TBL1XR1: variants seen among roughly 807,000 people sequenced by gnomAD.
TBL1XR1 encodes TBL1X/Y related 1, also known as F-box-like/WD repeat-containing protein TBL1XR1.
A neutral mutation model predicts 66.9 loss-of-function variants in TBL1XR1; 5 were observed. The ratio of observed to expected loss-of-function variants is 0.07; its 90% CI spans 0.04 to 0.16. TBL1XR1 has a LOEUF of 0.16. TBL1XR1 is among the 10% of genes least tolerant of loss of function. The pLI is 1.00. For synonymous variants in TBL1XR1, 210 were observed against 206.0 expected (o/e 1.02, Z -0.17); for missense variants, 238 against 623.2 (o/e 0.38, Z 6.58).
At chr3:177,095,985 C>CT in intron 2 of TBL1XR1, among the ~76,000 whole-genome samples, 1 of 152,110 alleles carries the variant, frequency 6.6e-6, no homozygotes, top group African/African-American at 2.4e-5. Flanking sequence ...CACATGTACC[C>CT]TAAAATAAGT....
At chr3:177,175,630 C>A (rs1422607480) in intron 1 of TBL1XR1, among the ~76,000 whole-genome samples, 2 of 152,090 alleles carry the variant, frequency 1.3e-5, no homozygotes, top group African/African-American at 2.4e-5. Context: ...CCAGAAAAAA[C>A]CTCTCAGAGA....
chr3:177,125,468 T>C (rs949336591), intron 1 of TBL1XR1, among the ~76,000 whole-genome samples: 4 of 152,190 alleles, frequency 2.6e-5, no homozygotes, highest in African/African-American at 9.6e-5. Context: ...GCTGCAGTCC[T>C]TTGGAAAACA....
chr3:177,184,800 CAA>C (rs35413456), intron 1 of TBL1XR1, among the ~76,000 whole-genome samples: 123 of 135,928 alleles, frequency 9.0e-4, no homozygotes, highest in Non-Finnish European at 1.1e-3. Flanking sequence ...GACTGTGGCT[CAA>C]AAAAAAAAAA....
At chr3:177,173,384 A>G (rs1393088169) in intron 1 of TBL1XR1, among the ~76,000 whole-genome samples, 5 of 152,192 alleles carry the variant, frequency 3.3e-5, no homozygotes, top group African/African-American at 1.2e-4. Flanking sequence ...AGAGCGAAGG[A>G]ACTTGGCACA....
chr3:177,100,672 G>T (rs986289380), intron 1 of TBL1XR1, among the ~76,000 whole-genome samples: 1 of 152,108 alleles, frequency 6.6e-6, no homozygotes. Flanking sequence ...TGATCCACAC[G>T]TCTCCAACTC....
At chr3:177,108,129 A>G (rs1725108288) in intron 1 of TBL1XR1, among the ~76,000 whole-genome samples, 1 of 152,182 alleles carries the variant, frequency 6.6e-6, no homozygotes, top group African/African-American at 2.4e-5. Flanking sequence ...AGGATAAAGC[A>G]AAGAAGCTTT....
intron 3 of TBL1XR1, among the ~76,000 whole-genome samples, chr3:177,060,162 T>C (rs554121771): frequency 2.1e-4 from 32 of 152,198 alleles, no homozygotes; most frequent in Non-Finnish European, 3.4e-4. Flanking sequence ...TACTTTGTGA[T>C]TGTGTGAGTC....
At chr3:177,030,147 GAGAC>G (rs1352673223) in intron 14 of TBL1XR1, among the ~76,000 whole-genome samples, 2 of 150,838 alleles carry the variant, frequency 1.3e-5, no homozygotes, top group East Asian at 1.9e-4. Flanking sequence ...GAGAGAGAGA[GAGAC>G]AGACACACAC....
At position 177,158,267 on chromosome 3, in the gene TBL1XR1, G is replaced by A. The variant is rs534997959; in HGVS notation, c.-122+38854C>T. Among the ~76,000 whole-genome samples, 30 of 144,632 alleles carry A rather than the reference G, an allele frequency of 2.1e-4. No homozygotes were observed. In the South Asian group the frequency reaches 4.8e-3, roughly 23 times the overall value. 94.9% of individuals were successfully genotyped at this position (144,632 alleles called of 152,430 possible). The stretch of plus-strand genomic sequence containing the variant: ...TTTTTTAAGACAGTCTTGCTCAGTC[G>A]CCCAGGCTGGAGTGCAGTGGCACAA... On this transcript the variant is annotated intron_variant, in intron 1 of 15. Transcript: ENST00000457928.
At position 177,119,932 on chromosome 3, in the gene TBL1XR1, T is replaced by C. The variant is rs757024735; in HGVS notation, c.-121-21391A>G. 3.2e-4 allele frequency among the ~76,000 whole-genome samples: 48 copies of C among 152,274 alleles called. 1 individual carries two copies. Among genetic ancestry groups the C allele is most frequent in the Non-Finnish European group, 1.6e-4 (11 of 68,012 alleles). Reference sequence around the variant, plus strand: ...GGAGAAAGAGTTGGGATATCCTCCTTTTTGCTAACAGAAAGCCCTTGGGGA... The same window carrying C: ...GGAGAAAGAGTTGGGATATCCTCCTCTTTGCTAACAGAAAGCCCTTGGGGA... On this transcript the variant is annotated intron_variant, in intron 1 of 15. Coordinates refer to ENST00000457928, the MANE Select transcript of TBL1XR1 (RefSeq NM_024665.7).
chr3:177,099,259 TGG>T (rs1317209301), intron 1 of TBL1XR1: 5 of 152,172 alleles, frequency 3.3e-5, no homozygotes, highest in African/African-American at 1.2e-4. Flanking sequence ...CCCAGCTACT[TGG>T]GAGGCTGAGG....
Position 177,193,414 on chromosome 3 carries a change from G to A in TBL1XR1, c.-122+3707C>T, listed in dbSNP as rs572036109. 4.6e-5 allele frequency among the ~76,000 whole-genome samples: 7 copies of A among 151,932 alleles called. No individual in the cohort carries two copies. In the South Asian group the frequency reaches 1.2e-3, roughly 27 times the overall value. ...CAACCTCCACCTCCTGGGTTCAAGC[G>A]ATTCTCCCACCTCAGCCTCCCGAGT... is the stretch of plus-strand genomic sequence containing the variant. On this transcript the variant is annotated intron_variant, in intron 1 of 15. Coordinates refer to ENST00000457928, the MANE Select transcript of TBL1XR1 (RefSeq NM_024665.7).
chr3:177,077,930 C>T (rs1720892853), intron 2 of TBL1XR1, among the ~76,000 whole-genome samples: 1 of 152,188 alleles, frequency 6.6e-6, no homozygotes, highest in Admixed American at 6.5e-5. Context: ...TGGCTTTTGA[C>T]ATTAAGGCAT....
intron 2 of TBL1XR1, among the ~76,000 whole-genome samples, chr3:177,080,653 A>T (rs528242755): frequency 2.0e-5 from 3 of 152,278 alleles, no homozygotes; most frequent in Admixed American, 1.3e-4. Flanking sequence ...TGACACACAG[A>T]AACATTTTTT....
chr3:177,044,844 T>C (rs1464823808), intron 10 of TBL1XR1: 2 of 152,136 alleles, frequency 1.3e-5, no homozygotes, highest in African/African-American at 2.4e-5. Context: ...AATCATATGG[T>C]ACCTAGCAAT....
chr3:177,100,427 AC>A (rs1724056752), intron 1 of TBL1XR1, among the ~76,000 whole-genome samples: 1 of 151,516 alleles, frequency 6.6e-6, no homozygotes, highest in Non-Finnish European at 1.5e-5. Flanking sequence ...TGAATAATGT[AC>A]TTTTTTTTTT....
intron 1 of TBL1XR1, among the ~76,000 whole-genome samples, chr3:177,187,827 G>A (rs1168484777): frequency 7.2e-6 from 1 of 139,742 alleles, no homozygotes; most frequent in East Asian, 2.1e-4. Context: ...ATATCAAATA[G>A]ACTGACACCT....
chr3:177,038,486 C>G, intron 10 of TBL1XR1, 52 bp from the exon 11 acceptor site: 1 of 1,428,824 alleles, frequency 7.0e-7, no homozygotes, highest in East Asian at 2.5e-5. Flanking sequence ...TACTAAAATC[C>G]AAGAGTTTTA....
At chr3:177,050,417 G>A in intron 6 of TBL1XR1, 61 bp downstream of exon 6, 1 of 1,579,422 alleles carries the variant, frequency 6.3e-7, no homozygotes, top group Non-Finnish European at 8.6e-7. Flanking sequence ...TAATGCATAT[G>A]TTTATAAAAT....
Sources: allele counts gnomAD v4.1 joint callset (sites outside exome capture counted in the v4.1 genomes callset), GRCh38; gene constraint gnomAD v4.1.1; transcripts MANE v1.5; gene names NCBI Gene and HGNC (gene_info 2026-07-23, HGNC 2026-07-21).